SCOC: variants seen among roughly 807,000 people sequenced by gnomAD.
SCOC encodes the protein short coiled-coil protein, also known as short coiled coil protein.
A neutral mutation model predicts 9.9 loss-of-function variants in SCOC; 7 were observed. The observed-to-expected ratio is 0.71, with a 90% CI of 0.40 to 1.33. The LOEUF (loss-of-function observed/expected upper bound fraction) is 1.33, where lower values mean the gene tolerates loss of function less well. SCOC is among the 40% of genes most tolerant of loss of function. The pLI is 0.01. For missense variants in SCOC, 66 were observed against 89.7 expected (o/e 0.74, Z 1.07); for synonymous variants, 19 against 28.2 (o/e 0.67, Z 1.03).
At chr4:140,327,264 C>A (rs1294597014) in intron 1 of SCOC, among the ~76,000 whole-genome samples, 1 of 152,164 alleles carries the variant, frequency 6.6e-6, no homozygotes, top group Non-Finnish European at 1.5e-5. Context: ...TGTGGGAAGG[C>A]TCTGCTGTCT....
chr4:140,288,581 A>G (rs561184719), intron 1 of SCOC, among the ~76,000 whole-genome samples: 196 of 151,972 alleles, frequency 1.3e-3, no homozygotes, highest in Non-Finnish European at 1.4e-3. Flanking sequence ...TACCACCCAT[A>G]CCACTCACAT....
chr4:140,280,178 G>A (rs566055504), intron 1 of SCOC, among the ~76,000 whole-genome samples: 31 of 152,164 alleles, frequency 2.0e-4, no homozygotes, highest in African/African-American at 7.0e-4. Context: ...GTGCAGTGGC[G>A]TGACCTCAGC....
chr4:140,373,493 C>T (rs776159555), upstream of SCOC: 8 of 1,551,388 alleles, frequency 5.2e-6, no homozygotes, highest in Non-Finnish European at 7.0e-6. Context: ...AAAGGTGGAT[C>T]CCGGTGCTTT....
At chr4:140,327,983 A>G (rs1512170) in intron 1 of SCOC, among the ~76,000 whole-genome samples, 44,485 of 152,076 alleles carry the variant, frequency 0.29, 9,112 homozygotes, top group African/African-American at 0.59. Context: ...GCCACACTTG[A>G]GAAGTGGATA....
chr4:140,337,916 GA>G (rs912022245), intron 1 of SCOC, among the ~76,000 whole-genome samples: 121 of 152,192 alleles, frequency 8.0e-4, no homozygotes, highest in African/African-American at 2.9e-3. Context: ...CCAATCAACA[GA>G]AAAAGAGGGA....
chr4:140,263,506 G>A (rs1469930893), intron 1 of SCOC, among the ~76,000 whole-genome samples: 1 of 152,204 alleles, frequency 6.6e-6, no homozygotes, highest in Non-Finnish European at 1.5e-5. Flanking sequence ...CCCATTTGGT[G>A]AAGCAGGCCT....
chr4:140,273,540 C>T (rs1387318901), intron 1 of SCOC, among the ~76,000 whole-genome samples: 1 of 151,726 alleles, frequency 6.6e-6, no homozygotes, highest in African/African-American at 2.4e-5. Flanking sequence ...AGCAGCTGGT[C>T]TCTGAAAGAA....
At chr4:140,375,511 G>A (rs2126592991) in intron 1 of SCOC, among the ~76,000 whole-genome samples, 1 of 152,138 alleles carries the variant, frequency 6.6e-6, no homozygotes, top group South Asian at 2.1e-4. Flanking sequence ...GTTAATCATT[G>A]TGCCAGGCTG....
At chr4:140,318,471 A>G (rs1732398136) in intron 1 of SCOC, among the ~76,000 whole-genome samples, 1 of 102,726 alleles carries the variant, frequency 9.7e-6, no homozygotes, top group African/African-American at 5.1e-5. Context: ...CAAAAAACAC[A>G]TGAAAAAATG....
At chr4:140,288,566 A>T (rs756002950) in intron 1 of SCOC, among the ~76,000 whole-genome samples, 3 of 151,976 alleles carry the variant, frequency 2.0e-5, no homozygotes, top group Non-Finnish European at 4.4e-5. Flanking sequence ...ACATATATAC[A>T]CATGTACCAC....
At chr4:140,356,674 A>T (rs182528404) in intron 2 of SCOC, among the ~76,000 whole-genome samples, 285 of 152,302 alleles carry the variant, frequency 1.9e-3, no homozygotes, top group South Asian at 0.013. Context: ...TGTTCTTCTC[A>T]TTGCATACTG....
chr4:140,327,240 GGACTCTGT>G (rs1299927363), intron 1 of SCOC, among the ~76,000 whole-genome samples: 7 of 152,170 alleles, frequency 4.6e-5, no homozygotes, highest in African/African-American at 1.7e-4. Context: ...CGAAGAGCGA[GGACTCTGT>G]GATTATGTGG....
At chr4:140,279,954 T>C (rs1048375893) in intron 1 of SCOC, among the ~76,000 whole-genome samples, 1 of 152,164 alleles carries the variant, frequency 6.6e-6, no homozygotes, top group Non-Finnish European at 1.5e-5. Flanking sequence ...ACATAGCAAA[T>C]ACATTTTAGT....
chr4:140,269,105 G>A (rs1730788798), intron 1 of SCOC, among the ~76,000 whole-genome samples: 1 of 152,122 alleles, frequency 6.6e-6, no homozygotes, highest in East Asian at 1.9e-4. Flanking sequence ...TAAAGCCCTA[G>A]GTCATTTGCT....
At chr4:140,369,192 CT>C, upstream of SCOC, 1 of 257,016 alleles carries the variant, frequency 3.9e-6, no homozygotes, top group South Asian at 3.1e-5. Context: ...ACATGAACAC[CT>C]TAATTTACCA....
rs556221740 is a variant in SCOC at position 140,292,028 on chromosome 4, G to A, written c.-19+34618G>A. The stretch of plus-strand genomic sequence containing the variant: ...GGGAAATAGGTGAATGATGATGACT[G>A]TTTATTGGAACGACCACCCTCTGCC... On this transcript the variant is annotated intron_variant, in intron 1 of 4. Coordinates refer to the SCOC transcript ENST00000394205. Among the ~76,000 whole-genome samples, 8 of 152,084 alleles carry A rather than the reference G, an allele frequency of 5.3e-5. No homozygotes were observed. In the South Asian group the frequency reaches 1.7e-3, roughly 32 times the overall value.
chr4:140,374,035 C>T, intron 1 of SCOC: 1 of 542,374 alleles, frequency 1.8e-6, no homozygotes, highest in Non-Finnish European at 3.5e-6. Flanking sequence ...CGCTTTGCAG[C>T]TCTCGGCTCT....
Position 140,292,376 on chromosome 4 carries a change from A to T in SCOC, c.-19+34966A>T, listed in dbSNP as rs146160056. ...GCTAATTTTTGTATATTTAGTAGAG[A>T]CAGGGTTTTGTCATGTTAGCTAGGC... On this transcript the variant is annotated intron_variant, in intron 1 of 4. Transcript: ENST00000394205. Among the ~76,000 whole-genome samples, 10 of 152,074 alleles carry T rather than the reference A, an allele frequency of 6.6e-5. No individual in the cohort carries two copies. In the East Asian group the frequency reaches 1.9e-3, roughly 29 times the overall value.
At chr4:140,262,192 C>A (rs1333701136) in intron 1 of SCOC, among the ~76,000 whole-genome samples, 2 of 152,152 alleles carry the variant, frequency 1.3e-5, no homozygotes, top group African/African-American at 4.8e-5. Flanking sequence ...GAAAGAAAGG[C>A]TTTTTGTACT....
Sources: gnomAD v4.1 joint callset for allele counts (sites outside exome capture counted in the v4.1 genomes callset) on GRCh38, gnomAD v4.1.1 for gene constraint, MANE v1.5 for transcripts, NCBI Gene and HGNC (gene_info 2026-07-23, HGNC 2026-07-21) for gene names.